CCDC170: variants seen among roughly 807,000 people sequenced by gnomAD.
CCDC170 encodes coiled-coil domain-containing protein 170.
Under a neutral mutation model 72.6 loss-of-function variants are expected in CCDC170, and 69 were observed. That is an observed-to-expected ratio of 0.95 (90% CI 0.78 to 1.16). CCDC170 has a LOEUF of 1.16. CCDC170 is among the 50% of genes most tolerant of loss of function. The pLI is 0.00. For missense variants in CCDC170, 852 were observed against 832.5 expected, an observed-to-expected ratio of 1.02 and a Z score of -0.29; for synonymous variants, 300 against 303.9, an observed-to-expected ratio of 0.99 and a Z score of 0.13.
intron 1 of CCDC170, among the ~76,000 whole-genome samples, chr6:151,509,161 G>A (rs1212973822): frequency 6.6e-6 from 1 of 151,948 alleles, no homozygotes; most frequent in Non-Finnish European, 1.5e-5. Context: ...CATGTGGAAA[G>A]ATCTCTTTCT....
At chr6:151,598,144 G>C (rs534407863) in intron 9 of CCDC170, among the ~76,000 whole-genome samples, 373 of 152,294 alleles carry the variant, frequency 2.4e-3, no homozygotes, top group Middle Eastern at 0.01. Context: ...GGGGAAGCAA[G>C]GGAAAGCATC....
chr6:151,595,683 G>A (rs960914146), intron 8 of CCDC170, among the ~76,000 whole-genome samples: 2 of 152,046 alleles, frequency 1.3e-5, no homozygotes, highest in African/African-American at 4.8e-5. Flanking sequence ...TGGGTGTGGT[G>A]GCATGCATCA....
chr6:151,553,273 T>C (rs190230863), intron 5 of CCDC170, among the ~76,000 whole-genome samples: 151 of 152,314 alleles, frequency 9.9e-4, no homozygotes, highest in African/African-American at 3.5e-3. Context: ...AAGCTAGGAT[T>C]TGAACCCATA....
At chr6:151,578,568 C>G (rs1463792874) in intron 6 of CCDC170, among the ~76,000 whole-genome samples, 2 of 152,154 alleles carry the variant, frequency 1.3e-5, no homozygotes, top group Non-Finnish European at 2.9e-5. Context: ...ACTCTAAAGA[C>G]CCGATCTCCA....
At chr6:151,524,929 CTTTTTTTTTTTT>C (rs34288029) in intron 1 of CCDC170, among the ~76,000 whole-genome samples, 2 of 110,042 alleles carry the variant, frequency 1.8e-5, no homozygotes, top group Admixed American at 2.1e-4. Context: ...TAGTCTGATT[CTTTTTTTTTTTT>C]TTTTTTTTTG....
chr6:151,544,984 T>C (rs951452440), intron 4 of CCDC170, among the ~76,000 whole-genome samples: 2 of 152,222 alleles, frequency 1.3e-5, no homozygotes, highest in South Asian at 4.1e-4. Context: ...CATATAGAGT[T>C]AATTACTCAT....
At chr6:151,508,838 C>A (rs563994218) in intron 1 of CCDC170, among the ~76,000 whole-genome samples, 1 of 151,686 alleles carries the variant, frequency 6.6e-6, no homozygotes, top group South Asian at 2.1e-4. Context: ...CAACATGGAG[C>A]AATCCCGTCT....
intron 5 of CCDC170, among the ~76,000 whole-genome samples, chr6:151,572,654 T>TTTTTTTTTGG (rs1554223894): frequency 3.4e-5 from 1 of 29,638 alleles, no homozygotes; most frequent in Admixed American, 5.3e-4. Flanking sequence ...TCTGTGTTTT[T>TTTTTTTTTGG]TTTTTTTTTT....
chr6:151,525,029 T>C (rs772303665), intron 1 of CCDC170, among the ~76,000 whole-genome samples: 1 of 148,328 alleles, frequency 6.7e-6, no homozygotes, highest in African/African-American at 2.5e-5. Context: ...GCCTCCCAGG[T>C]TCACGCCATT....
intron 6 of CCDC170, among the ~76,000 whole-genome samples, chr6:151,583,256 G>A (rs867796005): frequency 6.6e-6 from 1 of 151,890 alleles, no homozygotes; most frequent in Non-Finnish European, 1.5e-5. Flanking sequence ...GCCTCCCAAA[G>A]TGCTGGGATT....
At chr6:151,610,577 C>G (rs866646861) in intron 9 of CCDC170, among the ~76,000 whole-genome samples, 10 of 152,316 alleles carry the variant, frequency 6.6e-5, no homozygotes, top group Middle Eastern at 3.4e-3. Context: ...CAAGGGCATT[C>G]ATTCTGTTAC....
intron 1 of CCDC170, among the ~76,000 whole-genome samples, chr6:151,503,851 T>G (rs1782028106): frequency 6.6e-6 from 1 of 152,148 alleles, no homozygotes; most frequent in African/African-American, 2.4e-5. Flanking sequence ...TGGGGCACTT[T>G]TGGCAATTGG....
At chr6:151,494,545 A>C (rs577562390) in intron 1 of CCDC170, among the ~76,000 whole-genome samples, 18 of 152,322 alleles carry the variant, frequency 1.2e-4, no homozygotes, top group African/African-American at 3.4e-4. Context: ...TGTGCTTCGG[A>C]GCAATTTCTG....
chr6:151,618,353 C>T lies in CCDC170; in HGVS notation c.*206C>T. Reference sequence around the variant, plus strand: ...TTAAAAACGCCTATTATTTCATTTACTAGCATTTTAGGATCCAGAAGAATT... The same window carrying T: ...TTAAAAACGCCTATTATTTCATTTATTAGCATTTTAGGATCCAGAAGAATT... On this transcript the variant is annotated 3_prime_UTR_variant, in exon 11 of 11. Coordinates refer to ENST00000239374, the MANE Select transcript of CCDC170 (RefSeq NM_025059.4). 1 of 546,354 alleles carries T rather than the reference C, an allele frequency of 1.8e-6. No individual in the cohort carries two copies. The highest frequency in any genetic ancestry group is 2.9e-5 in the East Asian group (1 of 33,926). 33.8% of individuals were successfully genotyped at this position (546,354 alleles called of 1,614,324 possible).
intron 9 of CCDC170, among the ~76,000 whole-genome samples, chr6:151,605,590 T>G (rs1422343267): frequency 1.3e-5 from 2 of 152,202 alleles, no homozygotes; most frequent in African/African-American, 4.8e-5. Context: ...CCAGGGAACT[T>G]AAGATGTTGG....
chr6:151,576,191 T>C (rs1264271681), intron 6 of CCDC170, among the ~76,000 whole-genome samples: 1 of 152,206 alleles, frequency 6.6e-6, no homozygotes, highest in Non-Finnish European at 1.5e-5. Flanking sequence ...TTTCAATACT[T>C]TATTATAAAA....
At chr6:151,559,577 T>A (rs1370665465) in intron 5 of CCDC170, among the ~76,000 whole-genome samples, 4 of 152,246 alleles carry the variant, frequency 2.6e-5, no homozygotes, top group African/African-American at 9.6e-5. Context: ...TTACTGAATT[T>A]ATTTATAAGC....
At chr6:151,611,843 C>T (rs555178088) in intron 9 of CCDC170, among the ~76,000 whole-genome samples, 11 of 152,050 alleles carry the variant, frequency 7.2e-5, no homozygotes, top group East Asian at 3.9e-4. Flanking sequence ...CCTGAGTAGC[C>T]GGGAGTACAG....
intron 9 of CCDC170, among the ~76,000 whole-genome samples, chr6:151,603,915 G>T (rs746701288): frequency 6.6e-6 from 1 of 152,162 alleles, no homozygotes; most frequent in Non-Finnish European, 1.5e-5. Context: ...TCATTTAAGT[G>T]AAGTCGGTCT....
Sources: gnomAD v4.1 joint callset for allele counts (sites outside exome capture counted in the v4.1 genomes callset) on GRCh38, gnomAD v4.1.1 for gene constraint, MANE v1.5 for transcripts, NCBI Gene and HGNC (gene_info 2026-07-23, HGNC 2026-07-21) for gene names.